Variants in PCDH11X observed in about 807,000 individuals in gnomAD.
PCDH11X encodes the protein protocadherin-11 X-linked.
In PCDH11X, 18 loss-of-function variants were observed where a neutral mutation model predicts 53.3. That is an observed-to-expected ratio of 0.34 (90% CI 0.23 to 0.50). PCDH11X has a LOEUF of 0.50. Ranked by LOEUF, PCDH11X falls within the 20% of genes least tolerant of loss-of-function variation. PCDH11X has a pLI of 0.98. For synonymous variants in PCDH11X, 279 were observed against 393.3 expected, an observed-to-expected ratio of 0.71 and a Z score of 3.44; for missense variants, 570 against 1,032.4, an observed-to-expected ratio of 0.55 and a Z score of 6.14.
chrX:92,252,779 G>T (rs1234886025), intron 7 of PCDH11X, among the ~76,000 whole-genome samples: 1 of 110,863 alleles, frequency 9.0e-6, no homozygotes, highest in Non-Finnish European at 1.9e-5. Flanking sequence ...TCAGTAGACA[G>T]AGTAGTGACT....
At chrX:91,987,761 CT>C (rs1279370475) in intron 6 of PCDH11X, among the ~76,000 whole-genome samples, 1 of 109,705 alleles carries the variant, frequency 9.1e-6, no homozygotes, top group Non-Finnish European at 1.9e-5. Flanking sequence ...CATGAAGTGA[CT>C]TTTTTTGTTT....
intron 10 of PCDH11X, among the ~76,000 whole-genome samples, chrX:92,568,715 G>A (rs1921822388): frequency 9.5e-6 from 1 of 105,040 alleles, no homozygotes; most frequent in African/African-American, 3.5e-5. Context: ...GAATTCTAGA[G>A]GTAGTGTACA....
chrX:92,165,987 G>T, intron 6 of PCDH11X, among the ~76,000 whole-genome samples: 1 of 111,181 alleles, frequency 9.0e-6, no homozygotes, highest in Non-Finnish European at 1.9e-5. Flanking sequence ...TCTAGCCGAA[G>T]GGTATTTTTA....
Position 92,295,739 on chromosome X carries a change from TTGTG to T in PCDH11X, c.3144+32632_3144+32635del, listed in dbSNP as rs58402010. 4.4e-3 allele frequency among the ~76,000 whole-genome samples: 314 copies of T among 71,521 alleles called. 6 individuals are homozygous for T. The highest frequency in any genetic ancestry group is 0.028 in the South Asian group (37 of 1,323). The allele number at this position is 71,521 out of a possible 115,157, so 62.1% of individuals were successfully genotyped here. A position where few individuals can be genotyped will look rare whatever the true frequency, so the allele number is the denominator to read the frequency against. ...GCATGCTGGATTTTGACAGGTGTGT[TTGTG>T]TGTGTGTGTGTGTGTGTGTGTGTGT... On this transcript the variant is annotated intron_variant, in intron 8 of 10. Transcript: ENST00000682573.
At chrX:91,886,966 A>G (rs1446890218) in intron 6 of PCDH11X, among the ~76,000 whole-genome samples, 15 of 80,669 alleles carry the variant, frequency 1.9e-4, no homozygotes, top group Admixed American at 1.2e-3. Context: ...GCTAGACTCC[A>G]TCTCAAAAAA....
intron 10 of PCDH11X, among the ~76,000 whole-genome samples, chrX:92,479,327 C>G (rs1049073637): frequency 9.1e-6 from 1 of 109,580 alleles, no homozygotes; most frequent in African/African-American, 3.3e-5. Context: ...ACAGTCTGTG[C>G]CTTTTAATTG....
chrX:92,344,035 T>A (rs1015268431), intron 8 of PCDH11X, among the ~76,000 whole-genome samples: 1 of 110,115 alleles, frequency 9.1e-6, no homozygotes, highest in African/African-American at 3.3e-5. Context: ...CTATATATAG[T>A]AGGAACTCAG....
At chrX:92,472,450 T>C (rs1322115759) in intron 10 of PCDH11X, among the ~76,000 whole-genome samples, 46 of 99,464 alleles carry the variant, frequency 4.6e-4, no homozygotes, top group African/African-American at 1.6e-3. Flanking sequence ...CTGGGTTCTC[T>C]GTTCTATTCC....
chrX:92,307,370 A>C (rs1207146352), intron 8 of PCDH11X, among the ~76,000 whole-genome samples: 5 of 109,798 alleles, frequency 4.6e-5, no homozygotes, highest in Non-Finnish European at 9.5e-5. Flanking sequence ...TTATCATCTC[A>C]ATGTACAAAA....
At chrX:92,464,031 A>G (rs186424286) in intron 9 of PCDH11X, among the ~76,000 whole-genome samples, 49 of 112,064 alleles carry the variant, frequency 4.4e-4, no homozygotes, top group South Asian at 4.1e-3. Flanking sequence ...TAATAAAGGC[A>G]ACATTATGAC....
Position 92,195,995 on chromosome X carries a change from C to A in PCDH11X, c.3034-5380C>A, listed in dbSNP as rs748789545. Among the ~76,000 whole-genome samples the A allele has an allele frequency of 4.5e-5, 5 of 111,816 alleles. No individual in the cohort carries two copies. The South Asian group carries it at 1.9e-3, about 42-fold the overall frequency. On this transcript the variant is annotated intron_variant, in intron 6 of 10. Transcript: ENST00000682573. ...CTAGTCTTGCCGCAACTCTAAAAAA[C>A]ACAATGAAAATTCAGTTTGTGAGTT...
At chrX:92,251,636 G>A (rs1376889103) in intron 7 of PCDH11X, among the ~76,000 whole-genome samples, 1 of 111,050 alleles carries the variant, frequency 9.0e-6, no homozygotes, top group Non-Finnish European at 1.9e-5. Flanking sequence ...TAGGGTCAAT[G>A]TAAGAATTAA....
chrX:91,829,413 T>TACACACAC (rs756637346), intron 4 of PCDH11X, among the ~76,000 whole-genome samples: 3 of 81,199 alleles, frequency 3.7e-5, no homozygotes, highest in Admixed American at 1.3e-4. Flanking sequence ...ATATATATAT[T>TACACACAC]ACACACACAC....
At chrX:92,291,777 C>A (rs1196580305) in intron 8 of PCDH11X, among the ~76,000 whole-genome samples, 1 of 108,783 alleles carries the variant, frequency 9.2e-6, no homozygotes, top group African/African-American at 3.4e-5. Flanking sequence ...TGGACAAGAG[C>A]ATCAGACACA....
Position 92,013,633 on chromosome X carries a change from T to A in PCDH11X, c.3033+134360T>A, listed in dbSNP as rs1209994168. 3.6e-5 allele frequency among the ~76,000 whole-genome samples: 4 copies of A among 111,641 alleles called. No homozygotes were observed. The East Asian group carries it at 1.1e-3, about 32-fold the overall frequency. The stretch of plus-strand genomic sequence containing the variant: ...CATCACACCACCTGACTTCAAACTA[T>A]ACTACAAGGCTACAGTAACCAAAAC... On this transcript the variant is annotated intron_variant, in intron 6 of 10. Coordinates refer to ENST00000682573, the MANE Select transcript of PCDH11X (RefSeq NM_032968.5).
At chrX:92,560,054 T>G (rs2075109882) in intron 10 of PCDH11X, among the ~76,000 whole-genome samples, 1 of 111,593 alleles carries the variant, frequency 9.0e-6, no homozygotes, top group Non-Finnish European at 1.9e-5. Context: ...TCCTTCCTTC[T>G]TCTTAAGGCA....
chrX:92,010,390 C>T, intron 6 of PCDH11X, among the ~76,000 whole-genome samples: 1 of 110,109 alleles, frequency 9.1e-6, no homozygotes, highest in South Asian at 3.9e-4. Context: ...CTGGGATGAT[C>T]ATTAAAATAT....
rs924065842 is a variant in PCDH11X at position 91,961,455 on chromosome X, C to A, written c.3033+82182C>A. 4.5e-5 allele frequency among the ~76,000 whole-genome samples: 5 copies of A among 110,777 alleles called. No individual in the cohort carries two copies. In the Admixed American group the frequency reaches 4.8e-4, roughly 11 times the overall value. On this transcript the variant is annotated intron_variant, in intron 6 of 10. Transcript: ENST00000682573. Reference sequence around the variant, plus strand: ...ATAGTACTGGAAATCCTAGCCAGGGCAATGAGGCAAGAGAAAGAAATAAAA... The same window carrying A: ...ATAGTACTGGAAATCCTAGCCAGGGAAATGAGGCAAGAGAAAGAAATAAAA...
At chrX:92,276,458 C>T (rs1468018266) in intron 8 of PCDH11X, among the ~76,000 whole-genome samples, 1 of 110,261 alleles carries the variant, frequency 9.1e-6, no homozygotes, top group Non-Finnish European at 1.9e-5. Flanking sequence ...TGGGACACAG[C>T]TTAGGAGGAA....
Sources: allele counts gnomAD v4.1 joint callset (sites outside exome capture counted in the v4.1 genomes callset), GRCh38; gene constraint gnomAD v4.1.1; transcripts MANE v1.5; gene names NCBI Gene and HGNC (gene_info 2026-07-23, HGNC 2026-07-21).